The following GPC6 variants were observed in gnomAD, a reference collection of about 807,000 sequenced individuals.
GPC6 encodes glypican 6.
GPC6 carries 14 observed loss-of-function variants against 55.2 expected under a neutral mutation model. The observed-to-expected ratio is 0.25, with a 90% CI of 0.17 to 0.40. The LOEUF is 0.40. Among genes scored for constraint, GPC6 ranks in the 10% least tolerant of loss-of-function variants. The pLI is 1.00. For missense variants in GPC6, 641 were observed against 708.5 expected (o/e 0.90, Z 1.08); for synonymous variants, 278 against 259.6 (o/e 1.07, Z -0.68).
intron 1 of GPC6, among the ~76,000 whole-genome samples, chr13:93,360,496 C>T (rs1594118102): frequency 1.3e-5 from 2 of 152,020 alleles, no homozygotes; most frequent in South Asian, 2.1e-4. Flanking sequence ...GTATGGTCCA[C>T]GGATACCAGA....
chr13:93,484,572 CT>C (rs1421553740), intron 1 of GPC6, among the ~76,000 whole-genome samples: 5 of 151,962 alleles, frequency 3.3e-5, no homozygotes, highest in Non-Finnish European at 5.9e-5. Flanking sequence ...ACCATTTTCT[CT>C]TTTTTGCAGG....
At chr13:93,421,196 G>A (rs1030217236) in intron 1 of GPC6, among the ~76,000 whole-genome samples, 4 of 152,090 alleles carry the variant, frequency 2.6e-5, no homozygotes, top group South Asian at 2.1e-4. Context: ...GGCATGGAGA[G>A]AGAGAAAGAG....
At chr13:93,761,617 A>G (rs1254194353) in intron 2 of GPC6, among the ~76,000 whole-genome samples, 2 of 152,112 alleles carry the variant, frequency 1.3e-5, no homozygotes, top group African/African-American at 4.8e-5. Context: ...CCTAGACTCA[A>G]GTGATCCTCC....
At chr13:94,263,820 G>T (rs1324714709) in intron 4 of GPC6, among the ~76,000 whole-genome samples, 3 of 152,192 alleles carry the variant, frequency 2.0e-5, no homozygotes, top group Admixed American at 2.0e-4. Context: ...CAGCCTGGCA[G>T]CAAGCTTTTA....
intron 2 of GPC6, among the ~76,000 whole-genome samples, chr13:93,580,810 G>T (rs1413829931): frequency 1.3e-5 from 2 of 152,124 alleles, no homozygotes; most frequent in Admixed American, 6.6e-5. Flanking sequence ...AGTCAGAGGA[G>T]TTCTAAGTTA....
intron 2 of GPC6, among the ~76,000 whole-genome samples, chr13:93,622,950 A>G (rs575813619): frequency 7.0e-4 from 107 of 151,902 alleles, no homozygotes; most frequent in Non-Finnish European, 1.4e-3. Flanking sequence ...CTACTATTCT[A>G]CTCCATACTT....
At chr13:93,280,512 C>A (rs553247227) in intron 1 of GPC6, among the ~76,000 whole-genome samples, 1 of 152,232 alleles carries the variant, frequency 6.6e-6, no homozygotes, top group African/African-American at 2.4e-5. Context: ...ATGGATATGG[C>A]ACTTTTGAAT....
At chr13:94,295,956 C>G (rs757140412) in intron 5 of GPC6, among the ~76,000 whole-genome samples, 1 of 151,896 alleles carries the variant, frequency 6.6e-6, no homozygotes, top group Non-Finnish European at 1.5e-5. Flanking sequence ...TGCGCTCCAC[C>G]GAGAAACAGG....
At position 93,448,605 on chromosome 13, in the gene GPC6, A is replaced by G. The variant is rs570375688; in HGVS notation, c.161-96658A>G. ...ATTATCCAGATACTAATTAAATAAG[A>G]ATATAAATAGGAGACTTGCCTCTGT... On this transcript the variant is annotated intron_variant, in intron 1 of 8. Coordinates refer to ENST00000377047, the MANE Select transcript of GPC6 (RefSeq NM_005708.5). 2.0e-5 allele frequency among the ~76,000 whole-genome samples: 3 copies of G among 152,352 alleles called. No homozygotes were observed. In the South Asian group the frequency reaches 6.2e-4, roughly 32 times the overall value.
At chr13:94,099,207 C>A (rs1359673270) in intron 4 of GPC6, among the ~76,000 whole-genome samples, 1 of 151,980 alleles carries the variant, frequency 6.6e-6, no homozygotes, top group Non-Finnish European at 1.5e-5. Flanking sequence ...CCTATGATTT[C>A]CAAATAGGAA....
At chr13:93,930,899 G>A (rs1200096764) in intron 3 of GPC6, among the ~76,000 whole-genome samples, 1 of 152,078 alleles carries the variant, frequency 6.6e-6, no homozygotes, top group East Asian at 1.9e-4. Context: ...TTGGCTTCTG[G>A]GGAGGCCTCA....
intron 1 of GPC6, among the ~76,000 whole-genome samples, chr13:93,345,710 G>A (rs1404485177): frequency 2.0e-5 from 3 of 152,138 alleles, no homozygotes; most frequent in Admixed American, 2.0e-4. Context: ...AAAATTAGCT[G>A]ATGATGGATT....
At chr13:93,925,677 G>A (rs968509943) in intron 3 of GPC6, among the ~76,000 whole-genome samples, 3 of 152,150 alleles carry the variant, frequency 2.0e-5, no homozygotes, top group Non-Finnish European at 2.9e-5. Flanking sequence ...TATTACGCTC[G>A]TGGTTCTCTG....
intron 4 of GPC6, among the ~76,000 whole-genome samples, chr13:94,191,484 G>A (rs376444019): frequency 3.9e-5 from 6 of 152,092 alleles, no homozygotes; most frequent in East Asian, 1.9e-4. Context: ...GAGCTGAGTC[G>A]GTAAGTGTAC....
chr13:93,775,262 C>T (rs1452365690), intron 2 of GPC6, among the ~76,000 whole-genome samples: 2 of 152,254 alleles, frequency 1.3e-5, no homozygotes, highest in Admixed American at 6.5e-5. Context: ...GCCTCAGCCT[C>T]CCGAGTAGCT....
intron 1 of GPC6, among the ~76,000 whole-genome samples, chr13:93,311,820 C>G (rs1402500431): frequency 6.6e-6 from 1 of 152,122 alleles, no homozygotes; most frequent in Non-Finnish European, 1.5e-5. Flanking sequence ...ACTCATACTT[C>G]AAGAATCATT....
chr13:94,294,948 T>C (rs1305802551), intron 5 of GPC6, among the ~76,000 whole-genome samples: 1 of 152,094 alleles, frequency 6.6e-6, no homozygotes, highest in African/African-American at 2.4e-5. Flanking sequence ...CTGCAAAGAG[T>C]CTTCCTAACA....
At chr13:93,359,067 C>T (rs549246059) in intron 1 of GPC6, among the ~76,000 whole-genome samples, 15 of 150,366 alleles carry the variant, frequency 1.0e-4, no homozygotes, top group Admixed American at 2.7e-4. Context: ...CTCCTGGGCT[C>T]GAGATCCTCC....
At chr13:94,305,022 A>T (rs190321066) in intron 5 of GPC6, among the ~76,000 whole-genome samples, 37 of 152,350 alleles carry the variant, frequency 2.4e-4, no homozygotes, top group African/African-American at 6.7e-4. Context: ...TTGTCATGAT[A>T]ACAGGAATCC....
Sources: gnomAD v4.1 joint callset for allele counts (sites outside exome capture counted in the v4.1 genomes callset) on GRCh38, gnomAD v4.1.1 for gene constraint, MANE v1.5 for transcripts, NCBI Gene and HGNC (gene_info 2026-07-23, HGNC 2026-07-21) for gene names.